Variants in TTC28 observed in about 807,000 individuals in gnomAD.
TTC28 encodes tetratricopeptide repeat protein 28.
TTC28 carries 61 observed loss-of-function variants against 198.0 expected under a neutral mutation model. The observed-to-expected ratio is 0.31, with a 90% CI of 0.25 to 0.38. The LOEUF (loss-of-function observed/expected upper bound fraction) is 0.38. TTC28 is among the 10% of genes least tolerant of loss of function. The probability of loss-of-function intolerance (pLI) is 1.00; values close to 1 mark genes in which losing one functional copy is unlikely to be tolerated. For synonymous variants in TTC28, 1,171 were observed against 1,297.8 expected (o/e 0.90, Z 2.10); for missense variants, 2,678 against 3,164.0 (o/e 0.85, Z 3.69).
intron 5 of TTC28, among the ~76,000 whole-genome samples, chr22:28,222,632 C>G (rs539085190): frequency 2.0e-5 from 3 of 152,182 alleles, no homozygotes; most frequent in Non-Finnish European, 2.9e-5. Flanking sequence ...AAGAAATGTT[C>G]AGAAGCTATC....
At chr22:28,533,078 AATAAAGGGTATTCGATT>A (rs1373739492) in intron 2 of TTC28, among the ~76,000 whole-genome samples, 1 of 152,216 alleles carries the variant, frequency 6.6e-6, no homozygotes, top group Non-Finnish European at 1.5e-5. Context: ...AGGAGAAAGA[AATAAAGGGTATTCGATT>A]AGGAAAAGAA....
chr22:28,574,801 CCTT>C (rs1397325718), intron 2 of TTC28, among the ~76,000 whole-genome samples: 14 of 152,092 alleles, frequency 9.2e-5, no homozygotes, highest in South Asian at 4.1e-4. Flanking sequence ...TTCTCATATG[CCTT>C]TTTGCCATTT....
intron 1 of TTC28, among the ~76,000 whole-genome samples, chr22:28,660,773 G>A (rs980355189): frequency 3.3e-5 from 5 of 151,498 alleles, no homozygotes; most frequent in Admixed American, 6.6e-5. Flanking sequence ...ATCCACCCAC[G>A]TTGGCTTCCC....
At chr22:28,315,982 G>C (rs2045345456) in intron 2 of TTC28, among the ~76,000 whole-genome samples, 1 of 152,174 alleles carries the variant, frequency 6.6e-6, no homozygotes, top group Non-Finnish European at 1.5e-5. Flanking sequence ...ACTTTTATAA[G>C]AAACTGATGA....
At position 28,071,454 on chromosome 22, in the gene TTC28, T is replaced by C. The variant is rs531778847; in HGVS notation, c.3932+22626A>G. ...GTAGGGACATGGATGAAATTGGAAATCATCATTCTCAGTAAACTATCGCAA... is the reference window on the plus strand; with the variant it reads ...GTAGGGACATGGATGAAATTGGAAACCATCATTCTCAGTAAACTATCGCAA... On this transcript the variant is annotated intron_variant, in intron 12 of 22. Transcript: ENST00000397906. Among the ~76,000 whole-genome samples the C allele has an allele frequency of 5.4e-5, 8 of 149,392 alleles. No homozygotes were observed. In the South Asian group the frequency reaches 1.5e-3, roughly 28 times the overall value.
At chr22:28,128,379 G>T (rs759390634) in intron 6 of TTC28, among the ~76,000 whole-genome samples, 69 of 152,220 alleles carry the variant, frequency 4.5e-4, no homozygotes, top group Admixed American at 9.8e-4. Flanking sequence ...GAATTATTTT[G>T]AGTTGAATCA....
rs1430044303 is a variant in TTC28 at position 27,992,679 on chromosome 22, A to G, written c.5477-16T>C. 10 of 1,550,474 alleles carry G rather than the reference A, an allele frequency of 6.4e-6. No individual in the cohort carries two copies. In the East Asian group the frequency reaches 2.4e-4, roughly 38 times the overall value. Reference sequence around the variant, plus strand: ...TTGGGCAGACCTAAACCAAGAAAAAAGGGTAGAAGTTATTCAGAAGGGCCT... The same window carrying G: ...TTGGGCAGACCTAAACCAAGAAAAAGGGGTAGAAGTTATTCAGAAGGGCCT... On this transcript the variant is annotated splice_polypyrimidine_tract_variant and intron_variant, in intron 18 of 22. Transcript: ENST00000397906.
At position 28,530,428 on chromosome 22, in the gene TTC28, G is replaced by A. The variant is rs373605045; in HGVS notation, c.381+99124C>T. Among the ~76,000 whole-genome samples the A allele has an allele frequency of 3.0e-4, 46 of 152,274 alleles. 1 individual carries two copies. In the East Asian group the frequency reaches 3.9e-3, roughly 13 times the overall value. On this transcript the variant is annotated intron_variant, in intron 2 of 22. Coordinates refer to ENST00000397906, the MANE Select transcript of TTC28 (RefSeq NM_001145418.2). ...GACTATGTGAAAAGACCAAATCTACGTCTGATTGGTGTACTTGAAAGTCAT... is the reference window on the plus strand; with the variant it reads ...GACTATGTGAAAAGACCAAATCTACATCTGATTGGTGTACTTGAAAGTCAT...
intron 1 of TTC28, among the ~76,000 whole-genome samples, chr22:28,643,705 G>A (rs1428383432): frequency 3.3e-5 from 5 of 152,162 alleles, no homozygotes; most frequent in African/African-American, 1.2e-4. Flanking sequence ...TAAGAAAACA[G>A]ATTTTGTTAC....
At chr22:28,444,761 G>A (rs1456393104) in intron 2 of TTC28, among the ~76,000 whole-genome samples, 5 of 152,224 alleles carry the variant, frequency 3.3e-5, no homozygotes, top group South Asian at 2.1e-4. Context: ...AGCTACATGC[G>A]AACTTCTCGT....
chr22:28,184,020 A>T (rs752971528), intron 5 of TTC28, among the ~76,000 whole-genome samples: 4 of 152,222 alleles, frequency 2.6e-5, no homozygotes, highest in Middle Eastern at 3.2e-3. Context: ...ACCATAAGGT[A>T]ATACAGTGAT....
At chr22:28,448,794 C>T (rs1419168130) in intron 2 of TTC28, among the ~76,000 whole-genome samples, 3 of 152,148 alleles carry the variant, frequency 2.0e-5, no homozygotes, top group Admixed American at 2.0e-4. Flanking sequence ...CAGATCACTC[C>T]ACAACATTCA....
At chr22:28,371,509 C>CGAAAAAAAA (rs2046332447) in intron 2 of TTC28, among the ~76,000 whole-genome samples, 1 of 6,102 alleles carries the variant, frequency 1.6e-4, no homozygotes, top group Non-Finnish European at 2.9e-4. Flanking sequence ...GACCCTGTCT[C>CGAAAAAAAA]AAAAAAAAAA....
chr22:28,340,372 C>T (rs759796412), intron 2 of TTC28, among the ~76,000 whole-genome samples: 8 of 151,782 alleles, frequency 5.3e-5, no homozygotes, highest in Non-Finnish European at 8.8e-5. Context: ...TCCTTCATGC[C>T]TCCAAATTCA....
intron 2 of TTC28, among the ~76,000 whole-genome samples, chr22:28,590,801 G>A (rs751659353): frequency 2.6e-5 from 4 of 151,058 alleles, no homozygotes; most frequent in Non-Finnish European, 4.4e-5. Context: ...TTGAGGTCAG[G>A]AATTTGAGAC....
intron 1 of TTC28, among the ~76,000 whole-genome samples, chr22:28,662,651 C>T (rs1369655996): frequency 1.3e-5 from 2 of 152,180 alleles, no homozygotes; most frequent in Admixed American, 6.5e-5. Context: ...CACACAAATA[C>T]TCTATAATTT....
intron 5 of TTC28, among the ~76,000 whole-genome samples, chr22:28,246,781 G>T (rs941719455): frequency 1.3e-5 from 2 of 152,080 alleles, no homozygotes; most frequent in Non-Finnish European, 2.9e-5. Flanking sequence ...ATTATTCTTA[G>T]TGTGCTATGG....
chr22:28,319,210 C>T (rs781266698), intron 2 of TTC28, among the ~76,000 whole-genome samples: 6 of 152,160 alleles, frequency 3.9e-5, no homozygotes, highest in Non-Finnish European at 7.4e-5. Flanking sequence ...CTGCCCTGTT[C>T]TCATCACTTA....
chr22:28,645,137 C>G (rs984649321), intron 1 of TTC28, among the ~76,000 whole-genome samples: 2 of 148,732 alleles, frequency 1.3e-5, no homozygotes, highest in Non-Finnish European at 3.0e-5. Context: ...AGTGAGACTC[C>G]GTCTCAAAAA....
Sources: allele counts gnomAD v4.1 joint callset (sites outside exome capture counted in the v4.1 genomes callset), GRCh38; gene constraint gnomAD v4.1.1; transcripts MANE v1.5; gene names NCBI Gene and HGNC (gene_info 2026-07-23, HGNC 2026-07-21).